VWC2: variants seen among roughly 807,000 people sequenced by gnomAD.
VWC2 encodes the protein von Willebrand factor C domain containing 2.
VWC2 carries 14 observed loss-of-function variants against 29.8 expected under a neutral mutation model. The observed-to-expected ratio is 0.47, with a 90% CI of 0.31 to 0.74. VWC2 has a LOEUF of 0.74. VWC2 is among the 30% of genes least tolerant of loss of function. VWC2 has a pLI of 0.05. For synonymous variants in VWC2, 213 were observed against 199.0 expected, an observed-to-expected ratio of 1.07 and a Z score of -0.59; for missense variants, 457 against 459.8, an observed-to-expected ratio of 0.99 and a Z score of 0.05.
intron 3 of VWC2, among the ~76,000 whole-genome samples, chr7:49,881,225 A>G (rs1727458392): frequency 6.6e-6 from 1 of 152,134 alleles, no homozygotes; most frequent in East Asian, 1.9e-4. Context: ...AGTCCTGTTC[A>G]GGTTGCCTCA....
intron 3 of VWC2, among the ~76,000 whole-genome samples, chr7:49,860,879 C>T (rs943220606): frequency 1.3e-5 from 2 of 152,168 alleles, no homozygotes; most frequent in Admixed American, 1.3e-4. Flanking sequence ...TGGCCATCTG[C>T]GAGCCAAGGG....
At chr7:49,846,128 A>C (rs910433457) in intron 3 of VWC2, among the ~76,000 whole-genome samples, 2 of 152,230 alleles carry the variant, frequency 1.3e-5, no homozygotes, top group African/African-American at 4.8e-5. Flanking sequence ...AACTATCCCA[A>C]GGATCTAAGC....
At chr7:49,851,422 G>T (rs1790174351) in intron 3 of VWC2, among the ~76,000 whole-genome samples, 1 of 152,180 alleles carries the variant, frequency 6.6e-6, no homozygotes, top group Non-Finnish European at 1.5e-5. Context: ...ATAGCAGACG[G>T]GCACTTAAGG....
At chr7:49,817,233 G>A (rs767051924) in intron 3 of VWC2, among the ~76,000 whole-genome samples, 12 of 152,124 alleles carry the variant, frequency 7.9e-5, no homozygotes, top group Non-Finnish European at 1.3e-4. Context: ...CATTAATACA[G>A]TGCTCTAAAA....
intron 3 of VWC2, among the ~76,000 whole-genome samples, chr7:49,824,183 A>G (rs1025685497): frequency 6.6e-6 from 1 of 152,114 alleles, no homozygotes; most frequent in Non-Finnish European, 1.5e-5. Context: ...GCCTAATCCA[A>G]GGTCACAAGT....
At chr7:49,844,982 C>T (rs1434448837) in intron 3 of VWC2, among the ~76,000 whole-genome samples, 19 of 152,186 alleles carry the variant, frequency 1.2e-4, no homozygotes, top group African/African-American at 3.4e-4. Flanking sequence ...CGCACCCGGC[C>T]GGCAATTCAC....
intron 3 of VWC2, among the ~76,000 whole-genome samples, chr7:49,911,689 G>C (rs1031611396): frequency 6.6e-6 from 1 of 151,788 alleles, no homozygotes; most frequent in Non-Finnish European, 1.5e-5. Context: ...TTGAAGTCAG[G>C]AGTTCAAGAC....
chr7:49,776,251 A>G, intron 2 of VWC2, 120 bp downstream of exon 2: 1 of 871,032 alleles, frequency 1.1e-6, no homozygotes, highest in African/African-American at 1.7e-5. Context: ...GGTGGAGAGC[A>G]CTGTGCTCAC....
intron 3 of VWC2, among the ~76,000 whole-genome samples, chr7:49,820,472 C>T (rs574015839): frequency 6.6e-6 from 1 of 152,164 alleles, no homozygotes; most frequent in South Asian, 2.1e-4. Flanking sequence ...TCATTTCTGT[C>T]CAATATTCTA....
intron 2 of VWC2, among the ~76,000 whole-genome samples, chr7:49,793,977 A>C (rs182157780): frequency 3.9e-5 from 6 of 152,314 alleles, no homozygotes; most frequent in Admixed American, 3.9e-4. Flanking sequence ...AAAGGAGGGC[A>C]CAAATGCGCT....
At chr7:49,834,795 C>T (rs1289720167) in intron 3 of VWC2, among the ~76,000 whole-genome samples, 1 of 152,172 alleles carries the variant, frequency 6.6e-6, no homozygotes, top group East Asian at 1.9e-4. Flanking sequence ...GGATTGGAGT[C>T]GTGATCTCAC....
At chr7:49,868,618 AG>A (rs1255301683) in intron 3 of VWC2, among the ~76,000 whole-genome samples, 1 of 151,920 alleles carries the variant, frequency 6.6e-6, no homozygotes, top group Non-Finnish European at 1.5e-5. Flanking sequence ...TCATGTAGGG[AG>A]TTTTTTGTTT....
At chr7:49,896,937 G>A (rs575800063) in intron 3 of VWC2, among the ~76,000 whole-genome samples, 4 of 137,590 alleles carry the variant, frequency 2.9e-5, no homozygotes, top group Admixed American at 8.1e-5. Flanking sequence ...CGCCCAGGCC[G>A]GACTGCAGAC....
intron 3 of VWC2, among the ~76,000 whole-genome samples, chr7:49,803,578 G>A (rs930339200): frequency 2.0e-5 from 3 of 152,322 alleles, no homozygotes; most frequent in African/African-American, 4.8e-5. Context: ...GAGTGGCCTC[G>A]CTGACAGGAG....
intron 3 of VWC2, among the ~76,000 whole-genome samples, chr7:49,897,064 T>G (rs1488794056): frequency 6.6e-6 from 1 of 151,818 alleles, no homozygotes; most frequent in Non-Finnish European, 1.5e-5. Flanking sequence ...CCCGGCTAAT[T>G]TTTTGTATTT....
chr7:49,775,929 T>C lies in VWC2; in HGVS notation c.494T>C (p.Ile165Thr). The change falls in exon 2 of 4, where the codon ATC (isoleucine) becomes ACC (threonine). Residue 165 changes from isoleucine to threonine, a missense_variant. Transcript: ENST00000340652. ...GACGAGAGCGGCTTCGTGTACGCGA[T>C]CGGGGAGAAGTTCGCGCCGGGCCCC... ...CVDESGFVYA[I>T]GEKFAPGPSA... 6.4e-7 allele frequency: 1 copy of C among 1,556,614 alleles called. No individual in the cohort carries two copies. Among genetic ancestry groups the C allele is most frequent in the Non-Finnish European group, 8.7e-7 (1 of 1,152,084 alleles).
chr7:49,826,011 G>C (rs1040554776), intron 3 of VWC2, among the ~76,000 whole-genome samples: 1 of 152,176 alleles, frequency 6.6e-6, no homozygotes, highest in African/African-American at 2.4e-5. Context: ...GAGGCAGTAA[G>C]ACTGTGATTT....
Position 49,912,273 on chromosome 7 carries a change from GA to G in VWC2, c.*90del, listed in dbSNP as rs1307004628. 1.5e-6 allele frequency: 2 copies of G among 1,377,972 alleles called. No individual in the cohort carries two copies. The highest frequency in any genetic ancestry group is 1.4e-5 in the African/African-American group (1 of 69,304). The allele number at this position is 1,377,972 out of a possible 1,614,324, so 85.4% of individuals were successfully genotyped here. A position where few individuals can be genotyped will look rare whatever the true frequency, so the allele number is the denominator to read the frequency against. ...ATGACTCTGGGAACTATCAGTCAAA[GA>G]AGACTTTTGATGAGGAATAATGGAA... On this transcript the variant is annotated 3_prime_UTR_variant, in exon 4 of 4. Coordinates refer to ENST00000340652, the MANE Select transcript of VWC2 (RefSeq NM_198570.5).
At chr7:49,889,637 A>G (rs2128730005) in intron 3 of VWC2, among the ~76,000 whole-genome samples, 1 of 152,244 alleles carries the variant, frequency 6.6e-6, no homozygotes, top group African/African-American at 2.4e-5. Context: ...ATCCATGCAG[A>G]CCCTTTTTGC....
Sources: allele counts gnomAD v4.1 joint callset (sites outside exome capture counted in the v4.1 genomes callset), GRCh38; gene constraint gnomAD v4.1.1; transcripts MANE v1.5; gene names NCBI Gene and HGNC (gene_info 2026-07-23, HGNC 2026-07-21).